The following VTI1A variants were observed in gnomAD, a reference collection of about 807,000 sequenced individuals.
VTI1A encodes the protein vesicle transport through interaction with t-SNAREs 1A, also known as vesicle transport through interaction with t-SNAREs homolog 1A.
In VTI1A, 22 loss-of-function variants were observed where a neutral mutation model predicts 34.9. The observed-to-expected ratio is 0.63, with a 90% confidence interval of 0.45 to 0.90. The LOEUF (loss-of-function observed/expected upper bound fraction) is 0.90, where lower values mean the gene tolerates loss of function less well. Ranked by LOEUF, VTI1A falls within the 40% of genes least tolerant of loss-of-function variation. The pLI, the probability that VTI1A is intolerant of heterozygous loss-of-function variation, is 0.00. For missense variants in VTI1A, 268 were observed against 275.6 expected, an observed-to-expected ratio of 0.97 and a Z score of 0.20; for synonymous variants, 87 against 97.3, an observed-to-expected ratio of 0.89 and a Z score of 0.62.
chr10:112,835,691 C>CA, the VTI1A span, among the ~76,000 whole-genome samples: 1 of 151,716 alleles, frequency 6.6e-6, no homozygotes, highest in South Asian at 2.1e-4. Flanking sequence ...CACTCTTGGG[C>CA]AAAAAATCAA....
chr10:112,837,466 C>T, the VTI1A span, among the ~76,000 whole-genome samples: 4 of 152,186 alleles, frequency 2.6e-5, no homozygotes, highest in South Asian at 2.1e-4. Flanking sequence ...GGCGTGGTTG[C>T]GTGGGAACCC....
intron 5 of VTI1A, among the ~76,000 whole-genome samples, chr10:112,585,134 AG>A (rs1844094783): frequency 6.6e-6 from 1 of 152,220 alleles, no homozygotes; most frequent in Non-Finnish European, 1.5e-5. Flanking sequence ...GTTTTAATAA[AG>A]GGCCACACAG....
intron 7 of VTI1A, among the ~76,000 whole-genome samples, chr10:112,738,849 T>A (rs1850590584): frequency 6.6e-6 from 1 of 152,134 alleles, no homozygotes; most frequent in Non-Finnish European, 1.5e-5. Context: ...AAAGCCCTCA[T>A]GGAAGAGAAA....
the VTI1A span, among the ~76,000 whole-genome samples, chr10:112,830,834 T>C: frequency 2.1e-5 from 1 of 47,172 alleles, no homozygotes; most frequent in Non-Finnish European, 4.3e-5. Flanking sequence ...TATATATATA[T>C]ATATATATAT....
intron 7 of VTI1A, among the ~76,000 whole-genome samples, chr10:112,791,242 G>T (rs945606075): frequency 2.0e-5 from 3 of 152,150 alleles, no homozygotes; most frequent in Non-Finnish European, 4.4e-5. Context: ...ATACAATATA[G>T]ATAGTATCAG....
intron 7 of VTI1A, among the ~76,000 whole-genome samples, chr10:112,738,220 C>T (rs966570335): frequency 1.3e-5 from 2 of 152,206 alleles, no homozygotes; most frequent in Non-Finnish European, 2.9e-5. Flanking sequence ...GCACCCCTAA[C>T]GTTCCCTGTG....
At chr10:112,766,788 T>C (rs1355524870) in intron 7 of VTI1A, among the ~76,000 whole-genome samples, 1 of 152,194 alleles carries the variant, frequency 6.6e-6, no homozygotes, top group Non-Finnish European at 1.5e-5. Flanking sequence ...CAAAGGAAAT[T>C]TAACATAGCA....
chr10:112,793,039 C>T (rs190559227), intron 7 of VTI1A, among the ~76,000 whole-genome samples: 79 of 152,296 alleles, frequency 5.2e-4, no homozygotes, highest in African/African-American at 1.7e-3. Context: ...CAGTAATTGT[C>T]GCACACTCGG....
chr10:112,458,888 A>C (rs1166192454), intron 1 of VTI1A, among the ~76,000 whole-genome samples: 1 of 151,948 alleles, frequency 6.6e-6, no homozygotes, highest in African/African-American at 2.4e-5. Flanking sequence ...GGGTGGTCTC[A>C]AACTTCTGAC....
At chr10:112,703,329 A>C (rs746012024) in intron 7 of VTI1A, among the ~76,000 whole-genome samples, 7 of 152,192 alleles carry the variant, frequency 4.6e-5, no homozygotes, top group Non-Finnish European at 8.8e-5. Context: ...GCACTTTGGG[A>C]GGCCAAGGCG....
At chr10:112,757,033 G>A (rs1183753515) in intron 7 of VTI1A, among the ~76,000 whole-genome samples, 6 of 138,450 alleles carry the variant, frequency 4.3e-5, no homozygotes, top group Non-Finnish European at 7.6e-5. Context: ...GTGACAGAGT[G>A]AGACCTTGCC....
chr10:112,458,445 C>G (rs974249435), intron 1 of VTI1A, among the ~76,000 whole-genome samples: 1 of 152,042 alleles, frequency 6.6e-6, no homozygotes, highest in African/African-American at 2.4e-5. Context: ...GTAGATTTAA[C>G]TTTTCAAGGA....
chr10:112,582,838 G>A (rs1303527514), intron 5 of VTI1A, among the ~76,000 whole-genome samples: 1 of 151,912 alleles, frequency 6.6e-6, no homozygotes, highest in Non-Finnish European at 1.5e-5. Flanking sequence ...CAGCCACCTG[G>A]AGACCACCAC....
chr10:112,731,055 CCTT>C (rs1000032557), intron 7 of VTI1A, among the ~76,000 whole-genome samples: 2 of 151,986 alleles, frequency 1.3e-5, no homozygotes, highest in Non-Finnish European at 2.9e-5. Flanking sequence ...TAAATATCTG[CCTT>C]CTTTGTTGCA....
At chr10:112,738,399 C>T (rs931128166) in intron 7 of VTI1A, among the ~76,000 whole-genome samples, 8 of 152,166 alleles carry the variant, frequency 5.3e-5, no homozygotes, top group African/African-American at 1.7e-4. Context: ...ATGGATTGTT[C>T]TGTACAGACT....
intron 7 of VTI1A, among the ~76,000 whole-genome samples, chr10:112,679,814 A>G (rs1781545687): frequency 6.6e-6 from 1 of 151,470 alleles, no homozygotes; most frequent in Non-Finnish European, 1.5e-5. Context: ...TCAGTTAAAG[A>G]TGTCCGAATC....
chr10:112,777,215 A>T (rs1851977242), intron 7 of VTI1A, among the ~76,000 whole-genome samples: 1 of 152,186 alleles, frequency 6.6e-6, no homozygotes, highest in East Asian at 1.9e-4. Flanking sequence ...GTTTCTATAC[A>T]TGGATGACCA....
chr10:112,491,610 T>C (rs1848825209), intron 3 of VTI1A, among the ~76,000 whole-genome samples: 1 of 152,238 alleles, frequency 6.6e-6, no homozygotes, highest in Non-Finnish European at 1.5e-5. Context: ...TTTAATCTAA[T>C]AGCTCCAAAC....
intron 3 of VTI1A, among the ~76,000 whole-genome samples, chr10:112,502,664 C>T (rs924338320): frequency 3.9e-5 from 6 of 152,156 alleles, no homozygotes; most frequent in Non-Finnish European, 8.8e-5. Flanking sequence ...TTCTTCCCAA[C>T]TCGTGCTTAT....
Sources: allele counts gnomAD v4.1 joint callset (sites outside exome capture counted in the v4.1 genomes callset), GRCh38; gene constraint gnomAD v4.1.1; transcripts MANE v1.5; gene names NCBI Gene and HGNC (gene_info 2026-07-23, HGNC 2026-07-21).